Variants in MYT1L observed in about 807,000 individuals in gnomAD.
MYT1L encodes the protein myelin transcription factor 1-like protein.
Under a neutral mutation model 126.7 loss-of-function variants are expected in MYT1L, and 12 were observed. The observed-to-expected ratio is 0.09, with a 90% CI of 0.06 to 0.15. The LOEUF (loss-of-function observed/expected upper bound fraction) is 0.15, where lower values mean the gene tolerates loss of function less well. Among genes scored for constraint, MYT1L ranks in the 10% least tolerant of loss-of-function variants. The pLI, the probability that MYT1L is intolerant of heterozygous loss-of-function variation, is 1.00. For missense variants in MYT1L, 979 were observed against 1,585.2 expected, an observed-to-expected ratio of 0.62 and a Z score of 6.49; for synonymous variants, 541 against 604.2, an observed-to-expected ratio of 0.90 and a Z score of 1.53.
intron 4 of MYT1L, among the ~76,000 whole-genome samples, chr2:2,016,922 A>G (rs1319902434): frequency 6.6e-6 from 1 of 152,248 alleles, no homozygotes; most frequent in Non-Finnish European, 1.5e-5. Flanking sequence ...CATGAATTTC[A>G]CCACACAGAT....
Position 1,979,251 on chromosome 2 carries a change from C to T in MYT1L, c.90-24G>A. 6.2e-7 allele frequency: 1 copy of T among 1,608,004 alleles called. No homozygotes were observed. The highest frequency in any genetic ancestry group is 1.1e-5 in the South Asian group (1 of 90,586). On this transcript the variant is annotated intron_variant, in intron 7 of 24. Transcript: ENST00000647738. The surrounding 1 kb of genome is among the most constrained non-coding windows in gnomAD (Gnocchi z 4.0). Reference sequence around the variant, plus strand: ...AGCTGCAACAGGAAAGAATGGATTACACGGTGCCGCAGGCAGGCAGGTGAG... The same window carrying T: ...AGCTGCAACAGGAAAGAATGGATTATACGGTGCCGCAGGCAGGCAGGTGAG...
At position 2,208,529 on chromosome 2, in the gene MYT1L, A is replaced by G. The variant is rs35144493; in HGVS notation, c.-420-35541T>C. On this transcript the variant is annotated intron_variant, in intron 2 of 24. Coordinates refer to ENST00000647738, the MANE Select transcript of MYT1L (RefSeq NM_001303052.2). Reference sequence around the variant, plus strand: ...AAGGGACTGAGCCTCCTTTGCATATATGTATGTAGGCTTGTATTCTCATAT... The same window carrying G: ...AAGGGACTGAGCCTCCTTTGCATATGTGTATGTAGGCTTGTATTCTCATAT... Among the ~76,000 whole-genome samples, 459 of 152,306 alleles carry G rather than the reference A, an allele frequency of 3.0e-3. 1 individual carries two copies. Among genetic ancestry groups the G allele is most frequent in the Non-Finnish European group, 4.1e-3 (282 of 68,016 alleles).
In MYT1L at chr2:1,994,398, C is replaced by G. The variant is rs372789610; in HGVS notation, c.-1+2793G>C. ...CCCTGCTCCCTCCTCCCAGCGAGTC[C>G]TCCTGGGGGGCTCAGCCCTGGTTCA... On this transcript the variant is annotated intron_variant, in intron 5 of 24. Transcript: ENST00000647738. 1.5e-4 allele frequency among the ~76,000 whole-genome samples: 23 copies of G among 152,064 alleles called. No individual in the cohort carries two copies. In the East Asian group the frequency reaches 1.6e-3, roughly 10 times the overall value.
At chr2:2,323,586 C>T (rs921370268) in intron 1 of MYT1L, among the ~76,000 whole-genome samples, 1 of 152,154 alleles carries the variant, frequency 6.6e-6, no homozygotes, top group Non-Finnish European at 1.5e-5. Flanking sequence ...GTAGTACAGT[C>T]ACAGAATTAT....
intron 2 of MYT1L, among the ~76,000 whole-genome samples, chr2:2,210,083 T>C (rs1287089777): frequency 6.6e-6 from 1 of 152,228 alleles, no homozygotes; most frequent in Non-Finnish European, 1.5e-5. Context: ...GCCATTTGTG[T>C]GTCTTCTTCT....
rs374631461 is a variant in MYT1L, at chr2:1,801,207, C to T, written c.3276+489G>A. 243 of 154,092 alleles carry T rather than the reference C, an allele frequency of 1.6e-3. 2 individuals carry two copies. Among genetic ancestry groups the T allele is most frequent in the Non-Finnish European group, 2.2e-3 (152 of 69,474 alleles). 9.5% of individuals were successfully genotyped at this position (154,092 alleles called of 1,614,324 possible). On this transcript the variant is annotated intron_variant, in intron 23 of 24. Coordinates refer to ENST00000647738, the MANE Select transcript of MYT1L (RefSeq NM_001303052.2). The surrounding 1 kb of genome is among the most constrained non-coding windows in gnomAD (Gnocchi z 4.2). ...TAGGTGACCACAGCTGCTCTGCCAG[C>T]TGCCACTGCTCTCTCTCCATCCCCA...
At chr2:2,112,450 A>G (rs373851182) in intron 3 of MYT1L, among the ~76,000 whole-genome samples, 2 of 152,224 alleles carry the variant, frequency 1.3e-5, no homozygotes, top group Non-Finnish European at 2.9e-5. Context: ...TTCAAAGAAA[A>G]AGAGTTAACA....
At chr2:2,103,550 G>A (rs532762979) in intron 3 of MYT1L, among the ~76,000 whole-genome samples, 5 of 152,330 alleles carry the variant, frequency 3.3e-5, no homozygotes, top group South Asian at 2.1e-4. Context: ...CTGATGCACC[G>A]AGTGCCACAG....
At chr2:1,870,597 G>A (rs1009868440) in intron 18 of MYT1L, among the ~76,000 whole-genome samples, 3 of 152,138 alleles carry the variant, frequency 2.0e-5, no homozygotes, top group Non-Finnish European at 4.4e-5. Flanking sequence ...CTCTTCTCCT[G>A]TAGACAAGAC....
At chr2:2,271,451 C>T (rs2095261794) in intron 2 of MYT1L, among the ~76,000 whole-genome samples, 1 of 152,232 alleles carries the variant, frequency 6.6e-6, no homozygotes, top group African/African-American at 2.4e-5. Flanking sequence ...GGAATTTACA[C>T]TGCAGGTCAG....
At chr2:2,184,281 A>G (rs1572236287) in intron 2 of MYT1L, among the ~76,000 whole-genome samples, 1 of 152,344 alleles carries the variant, frequency 6.6e-6, no homozygotes, top group East Asian at 1.9e-4. Context: ...AATACATTAC[A>G]GTGTTAATGC....
At chr2:2,222,368 C>G (rs992405930) in intron 2 of MYT1L, among the ~76,000 whole-genome samples, 2 of 151,698 alleles carry the variant, frequency 1.3e-5, no homozygotes, top group Admixed American at 6.6e-5. Flanking sequence ...GGAGGGCACC[C>G]GTGATCCCAG....
intron 8 of MYT1L, among the ~76,000 whole-genome samples, chr2:1,970,292 C>T (rs560174127): frequency 6.6e-6 from 1 of 152,260 alleles, no homozygotes; most frequent in African/African-American, 2.4e-5. Flanking sequence ...AGAGCCGGGT[C>T]CCAGCGATGC....
intron 2 of MYT1L, among the ~76,000 whole-genome samples, chr2:2,184,031 AAG>A (rs998980123): frequency 3.3e-5 from 5 of 150,038 alleles, no homozygotes; most frequent in Non-Finnish European, 7.4e-5. Flanking sequence ...GAAAGACAGA[AAG>A]AGAGAAAAAG....
chr2:2,140,803 A>G (rs1200403633), intron 3 of MYT1L, among the ~76,000 whole-genome samples: 1 of 152,186 alleles, frequency 6.6e-6, no homozygotes, highest in Non-Finnish European at 1.5e-5. Context: ...TCCTGACCTC[A>G]GGTGATCCAC....
intron 4 of MYT1L, among the ~76,000 whole-genome samples, chr2:2,034,178 C>T (rs1319428097): frequency 2.0e-5 from 3 of 152,138 alleles, no homozygotes; most frequent in Admixed American, 6.5e-5. Flanking sequence ...CAGAAAACGT[C>T]GGTATCGACA....
intron 18 of MYT1L, among the ~76,000 whole-genome samples, chr2:1,857,284 C>T (rs2044036948): frequency 6.6e-6 from 1 of 152,202 alleles, no homozygotes; most frequent in Non-Finnish European, 1.5e-5. Context: ...ATTGAGTTAA[C>T]TACTTATTTA....
chr2:2,134,536 T>C (rs1230052128), intron 3 of MYT1L, among the ~76,000 whole-genome samples: 1 of 152,074 alleles, frequency 6.6e-6, no homozygotes, highest in African/African-American at 2.4e-5. Flanking sequence ...AGGAGAGGCA[T>C]TGGATGATGA....
chr2:2,214,036 T>G (rs190937934), intron 2 of MYT1L, among the ~76,000 whole-genome samples: 67 of 152,186 alleles, frequency 4.4e-4, no homozygotes, highest in Non-Finnish European at 8.2e-4. Flanking sequence ...AGCTCTAATA[T>G]CTGAGATGAA....
Sources: gnomAD v4.1 joint callset for allele counts (sites outside exome capture counted in the v4.1 genomes callset) on GRCh38, gnomAD v4.1.1 for gene constraint, Gnocchi (gnomAD v3.1) non-coding constraint, MANE v1.5 for transcripts, NCBI Gene and HGNC (gene_info 2026-07-23, HGNC 2026-07-21) for gene names.